Variants in SMARCC1 observed in about 807,000 individuals in gnomAD.
SMARCC1 encodes SWI/SNF related BAF chromatin remodeling complex subunit C1.
A neutral mutation model predicts 147.4 loss-of-function variants in SMARCC1; 43 were observed. The observed-to-expected ratio is 0.29, with a 90% CI of 0.23 to 0.38. The LOEUF is 0.38. Ranked by LOEUF, SMARCC1 falls within the 10% of genes least tolerant of loss-of-function variation. The probability of loss-of-function intolerance (pLI) is 1.00; values close to 1 mark genes in which losing one functional copy is unlikely to be tolerated. For synonymous variants in SMARCC1, 495 were observed against 484.4 expected, an observed-to-expected ratio of 1.02 and a Z score of -0.29; for missense variants, 1,119 against 1,381.1, an observed-to-expected ratio of 0.81 and a Z score of 3.01.
intron 2 of SMARCC1, among the ~76,000 whole-genome samples, chr3:47,757,082 CT>C (rs1364988484): frequency 1.3e-5 from 2 of 151,938 alleles, no homozygotes; most frequent in Non-Finnish European, 2.9e-5. Flanking sequence ...GAGACTGTCT[CT>C]ACAAAAAAAC....
intron 25 of SMARCC1, among the ~76,000 whole-genome samples, chr3:47,612,649 T>G (rs966938193): frequency 1.9e-4 from 29 of 152,226 alleles, no homozygotes; most frequent in African/African-American, 6.5e-4. Context: ...TTGCCCAATT[T>G]TCCTTGCCTA....
intron 2 of SMARCC1, among the ~76,000 whole-genome samples, chr3:47,747,156 G>A (rs1442415902): frequency 6.6e-6 from 1 of 151,814 alleles, no homozygotes; most frequent in African/African-American, 2.4e-5. Context: ...ATTAGGCCAG[G>A]TGCAGGAGTG....
At chr3:47,696,402 CACAA>C (rs745714297) in intron 11 of SMARCC1, among the ~76,000 whole-genome samples, 8 of 151,976 alleles carry the variant, frequency 5.3e-5, no homozygotes, top group Non-Finnish European at 1.0e-4. Flanking sequence ...AAAAACAAAA[CACAA>C]ACAAATTTAT....
intron 13 of SMARCC1, among the ~76,000 whole-genome samples, 167 bp from the exon 14 acceptor site, chr3:47,686,337 G>A (rs931206298): frequency 6.6e-6 from 1 of 152,170 alleles, no homozygotes; most frequent in Non-Finnish European, 1.5e-5. Context: ...AGTATTTAAG[G>A]TACAAGGTAG....
intron 18 of SMARCC1, among the ~76,000 whole-genome samples, chr3:47,673,835 C>T (rs991113804): frequency 1.8e-4 from 28 of 152,132 alleles, no homozygotes; most frequent in African/African-American, 6.5e-4. Flanking sequence ...CTTTAAAACT[C>T]AATTGATAGC....
chr3:47,699,625 T>C (rs992255761), intron 11 of SMARCC1, among the ~76,000 whole-genome samples: 1 of 152,106 alleles, frequency 6.6e-6, no homozygotes, highest in African/African-American at 2.4e-5. Flanking sequence ...TGTCTATACA[T>C]AGGTATATAC....
chr3:47,743,481 C>T (rs1215451751), intron 3 of SMARCC1, among the ~76,000 whole-genome samples: 4 of 151,746 alleles, frequency 2.6e-5, no homozygotes, highest in South Asian at 2.1e-4. Flanking sequence ...CTGTATTACA[C>T]GTATCTTTCT....
intron 18 of SMARCC1, among the ~76,000 whole-genome samples, chr3:47,671,197 A>AAAAAAAAAAAAAAC (rs1157129603): frequency 4.6e-4 from 29 of 62,366 alleles, no homozygotes; most frequent in Non-Finnish European, 7.4e-4. Context: ...AAAAAAAAAA[A>AAAAAAAAAAAAAAC]ACACACACAA....
intron 26 of SMARCC1, chr3:47,604,613 A>G (rs2032439163): frequency 3.8e-6 from 1 of 260,564 alleles, no homozygotes; most frequent in Non-Finnish European, 7.6e-6. Context: ...GCTGACCTTT[A>G]GAATATGGTC....
rs778994931 is a variant in SMARCC1 at position 47,635,268 on chromosome 3, T to C, written c.2568A>G (p.Lys856=). Residue 856 remains lysine, a synonymous_variant, in exon 24 of 28, where the codon AAA becomes AAG. Coordinates refer to ENST00000254480, the MANE Select transcript of SMARCC1 (RefSeq NM_003074.4). Reference sequence around the variant, plus strand: ...TTCCTTCGGAAATTTCATGTTCTACTTTCTTCTTCCCAGTATCACTTTCTC... The same window carrying C: ...TTCCTTCGGAAATTTCATGTTCTACCTTCTTCTTCCCAGTATCACTTTCTC... The part of the protein sequence containing the change: ...KERESDTGKK[K]VEHEISEGNV... The C allele has an allele frequency of 3.7e-6, 6 of 1,613,592 alleles. No individual in the cohort carries two copies. In the South Asian group the frequency reaches 6.6e-5, roughly 18 times the overall value.
chr3:47,593,551 A>G (rs1310021503), intron 26 of SMARCC1, among the ~76,000 whole-genome samples: 1 of 152,214 alleles, frequency 6.6e-6, no homozygotes, highest in African/African-American at 2.4e-5. Context: ...CTTTAAATCT[A>G]GGGACTTTAC....
At chr3:47,737,091 T>C (rs1318931898) in intron 4 of SMARCC1, among the ~76,000 whole-genome samples, 1 of 152,158 alleles carries the variant, frequency 6.6e-6, no homozygotes, top group Non-Finnish European at 1.5e-5. Context: ...AGAGTGCTTA[T>C]ACTAAATAAA....
At chr3:47,741,989 G>A (rs926921506) in intron 3 of SMARCC1, among the ~76,000 whole-genome samples, 2 of 151,322 alleles carry the variant, frequency 1.3e-5, no homozygotes, top group Admixed American at 6.6e-5. Context: ...CTCCTTATTT[G>A]AGGCCAGCTT....
At chr3:47,660,969 A>G (rs1174136283) in intron 21 of SMARCC1, among the ~76,000 whole-genome samples, 1 of 152,358 alleles carries the variant, frequency 6.6e-6, no homozygotes, top group Non-Finnish European at 1.5e-5. Context: ...TAACATAATC[A>G]TAAGTCCTTT....
intron 27 of SMARCC1, among the ~76,000 whole-genome samples, chr3:47,589,268 T>G (rs1026576888): frequency 3.3e-5 from 5 of 152,180 alleles, no homozygotes; most frequent in African/African-American, 1.2e-4. Context: ...GAGCACTGAC[T>G]TATGGCAGGA....
rs115051510 is a variant in SMARCC1, at chr3:47,673,309, G to A, written c.1839+2166C>T. On this transcript the variant is annotated intron_variant, in intron 18 of 27. Coordinates refer to ENST00000254480, the MANE Select transcript of SMARCC1 (RefSeq NM_003074.4). ...GGAGGCTGAGGCAGGAGAACTGGTC[G>A]AACCCGGGAGGCAGAGGTTGCAGGG... Among the ~76,000 whole-genome samples the A allele has an allele frequency of 4.0e-3, 597 of 149,914 alleles. 5 individuals carry two copies. Among genetic ancestry groups the A allele is most frequent in the African/African-American group, 0.013 (539 of 40,772 alleles).
intron 22 of SMARCC1, among the ~76,000 whole-genome samples, chr3:47,637,116 A>T (rs1433850354): frequency 1.3e-5 from 2 of 152,122 alleles, no homozygotes; most frequent in African/African-American, 4.8e-5. Flanking sequence ...CCTAGTATCA[A>T]GTGATCCTCC....
chr3:47,607,079 C>T (rs2032488049), intron 26 of SMARCC1, among the ~76,000 whole-genome samples: 1 of 152,056 alleles, frequency 6.6e-6, no homozygotes, highest in Non-Finnish European at 1.5e-5. Context: ...AACTCTTAAG[C>T]ATTTGTATCT....
intron 21 of SMARCC1, among the ~76,000 whole-genome samples, chr3:47,644,948 G>C (rs1047348874): frequency 2.6e-5 from 4 of 152,110 alleles, no homozygotes; most frequent in African/African-American, 9.7e-5. Context: ...AAACGGCAAG[G>C]TGGGGGGAGT....
Sources: allele counts gnomAD v4.1 joint callset (sites outside exome capture counted in the v4.1 genomes callset), GRCh38; gene constraint gnomAD v4.1.1; transcripts MANE v1.5; gene names NCBI Gene and HGNC (gene_info 2026-07-23, HGNC 2026-07-21).